The following MPP4 variants were observed in gnomAD, a reference collection of about 807,000 sequenced individuals.
The protein encoded by MPP4 is MAGUK p55 scaffold protein 4, also known as MAGUK p55 subfamily member 4.
In MPP4, 91 loss-of-function variants were observed where a neutral mutation model predicts 98.3. That is an observed-to-expected ratio of 0.93 (90% CI 0.78 to 1.10). MPP4 has a LOEUF of 1.10. MPP4 is among the 50% of genes least tolerant of loss of function. The pLI is 0.00. For missense variants in MPP4, 744 were observed against 792.9 expected, an observed-to-expected ratio of 0.94 and a Z score of 0.74; for synonymous variants, 261 against 271.8, an observed-to-expected ratio of 0.96 and a Z score of 0.39.
chr2:201,687,441 G>C (rs780854164), intron 4 of MPP4, 70 bp from the exon 5 acceptor site: 68 of 1,185,904 alleles, frequency 5.7e-5, no homozygotes, highest in Non-Finnish European at 7.9e-5. Context: ...CCTCACCCAG[G>C]CTGGATAACA....
chr2:201,690,581 G>A (rs1688984948), intron 3 of MPP4, among the ~76,000 whole-genome samples: 1 of 152,170 alleles, frequency 6.6e-6, no homozygotes. Flanking sequence ...TGAGGGTAGG[G>A]TGTCTGGGAC....
Position 201,645,059 on chromosome 2 carries a change from A to C in MPP4, c.*151T>G. 1.5e-6 allele frequency: 1 copy of C among 655,264 alleles called. No individual in the cohort carries two copies. Among genetic ancestry groups the C allele is most frequent in the Non-Finnish European group, 2.3e-6 (1 of 443,504 alleles). 40.6% of individuals were successfully genotyped at this position (655,264 alleles called of 1,614,324 possible). ...TAGGTAACCACATAACCATACAATAAAAATTTTTTTCAAATAAGATTAATT... is the reference window on the plus strand; with the variant it reads ...TAGGTAACCACATAACCATACAATACAAATTTTTTTCAAATAAGATTAATT... On this transcript the variant is annotated 3_prime_UTR_variant, in exon 22 of 22. Coordinates refer to ENST00000409474, the MANE Select transcript of MPP4 (RefSeq NM_033066.3).
At position 201,647,763 on chromosome 2, in the gene MPP4, A is replaced by G. The variant is rs368970179; in HGVS notation, c.1647T>C (p.Asn549=). ...KPYVIFIKPS[N]MRCMKQSRKN... ...TCCGAGATTGTTTCATACACCTCAT[A>G]TTCGATGGCTTTATAAATATGACAT... The change falls in exon 21 of 22, where the codon AAT becomes AAC. Residue 549 remains asparagine, a synonymous_variant. Coordinates refer to ENST00000409474, the MANE Select transcript of MPP4 (RefSeq NM_033066.3). The G allele has an allele frequency of 1.9e-6, 3 of 1,613,856 alleles. No homozygotes were observed. The highest frequency in any genetic ancestry group is 2.5e-6 in the Non-Finnish European group (3 of 1,179,852).
At chr2:201,695,982 T>C (rs1689168355) in intron 1 of MPP4, among the ~76,000 whole-genome samples, 1 of 152,164 alleles carries the variant, frequency 6.6e-6, no homozygotes, top group African/African-American at 2.4e-5. Context: ...TCTGATAGGG[T>C]TGAGAACCAC....
intron 11 of MPP4, among the ~76,000 whole-genome samples, chr2:201,670,059 TAC>T (rs1688298448): frequency 3.9e-5 from 6 of 152,156 alleles, no homozygotes; most frequent in African/African-American, 1.4e-4. Context: ...TTAACATGCT[TAC>T]TTCAGCATAT....
At chr2:201,658,631 A>C (rs1687925989) in intron 15 of MPP4, 113 bp from the exon 16 acceptor site, 3 of 843,072 alleles carry the variant, frequency 3.6e-6, no homozygotes, top group Non-Finnish European at 5.5e-6. Context: ...AGACGGCAGC[A>C]GAGTTGAATT....
At chr2:201,664,937 A>T (rs1688129169) in intron 13 of MPP4, 1 of 167,112 alleles carries the variant, frequency 6.0e-6, no homozygotes, top group Non-Finnish European at 1.5e-5. Context: ...CAAGATACAG[A>T]ATGTTAAGTT....
intron 10 of MPP4, among the ~76,000 whole-genome samples, chr2:201,676,735 A>C (rs547662505): frequency 6.6e-6 from 1 of 152,226 alleles, no homozygotes; most frequent in Non-Finnish European, 1.5e-5. Flanking sequence ...CCCCATCTCT[A>C]CTAAAAATAC....
intron 11 of MPP4, among the ~76,000 whole-genome samples, chr2:201,670,943 GGAAGT>G (rs1688325076): frequency 6.6e-6 from 1 of 152,186 alleles, no homozygotes; most frequent in East Asian, 1.9e-4. Context: ...GCCTCACCTG[GGAAGT>G]GAAAGGGGTC....
intron 4 of MPP4, among the ~76,000 whole-genome samples, chr2:201,688,615 G>A (rs759692367): frequency 1.2e-4 from 18 of 151,956 alleles, no homozygotes; most frequent in Non-Finnish European, 2.2e-4. Flanking sequence ...TGTTTTTTGG[G>A]TTTGTTTGTT....
At chr2:201,672,574 C>T (rs534415868) in intron 11 of MPP4, among the ~76,000 whole-genome samples, 1 of 152,256 alleles carries the variant, frequency 6.6e-6, no homozygotes, top group East Asian at 1.9e-4. Flanking sequence ...GACAACATCA[C>T]CACTGATCCC....
intron 18 of MPP4, among the ~76,000 whole-genome samples, chr2:201,653,349 T>G (rs574428844): frequency 2.0e-5 from 3 of 152,284 alleles, no homozygotes; most frequent in African/African-American, 7.2e-5. Context: ...TAGGTTCCTC[T>G]GTCTTGCCTT....
At chr2:201,692,235 T>C (rs1258206572) in intron 3 of MPP4, among the ~76,000 whole-genome samples, 1 of 152,156 alleles carries the variant, frequency 6.6e-6, no homozygotes, top group Non-Finnish European at 1.5e-5. Flanking sequence ...CCAAAATGCA[T>C]ATGTGATGAT....
At chr2:201,679,641 C>A (rs1316045536) in intron 10 of MPP4, among the ~76,000 whole-genome samples, 2 of 152,182 alleles carry the variant, frequency 1.3e-5, no homozygotes, top group Non-Finnish European at 2.9e-5. Context: ...CTCCTACCGC[C>A]TGCTCAAAGA....
At position 201,645,208 on chromosome 2, in the gene MPP4, T is replaced by G. The variant is rs1687527768; in HGVS notation, c.*2A>C. The G allele has an allele frequency of 6.2e-7, 1 of 1,607,430 alleles. No individual in the cohort carries two copies. Among genetic ancestry groups the G allele is most frequent in the Non-Finnish European group, 8.5e-7 (1 of 1,177,180 alleles). On this transcript the variant is annotated 3_prime_UTR_variant, in exon 22 of 22. Transcript: ENST00000409474. ...TAAAACTCCAGCATTAAACAAGAAG[T>G]CTCATTGAGACTCAGTATCTGAGGA...
Position 201,686,033 on chromosome 2 carries a change from A to G in MPP4, c.378T>C (p.His126=), listed in dbSNP as rs376175310. ...CAAAATCTTTCTGAGCTATCGTGTC[A>G]TGGGCACTGAGCAAGGCCTGGGCAC... The part of the protein sequence containing the change: ...APHFKALLSA[H]DTIAQKDFEP... The change falls in exon 6 of 22, where the codon CAT becomes CAC. Residue 126 remains histidine (H), a synonymous_variant. Coordinates refer to ENST00000409474, the MANE Select transcript of MPP4 (RefSeq NM_033066.3). The G allele has an allele frequency of 5.0e-6, 8 of 1,611,868 alleles. No individual in the cohort carries two copies. The African/African-American group carries it at 5.3e-5, about 11-fold the overall frequency.
At chr2:201,664,263 C>T (rs1688103746) in intron 13 of MPP4, 162 bp from the exon 14 acceptor site, 1 of 1,482,380 alleles carries the variant, frequency 6.7e-7, no homozygotes, top group East Asian at 2.7e-5. Context: ...GTCTCTATGG[C>T]ATATATCAGC....
Position 201,676,222 on chromosome 2 carries a change from A to G in MPP4, c.930-951T>C, listed in dbSNP as rs557686717. Among the ~76,000 whole-genome samples, 3 of 152,348 alleles carry G rather than the reference A, an allele frequency of 2.0e-5. No homozygotes were observed. The East Asian group carries it at 5.8e-4, about 29-fold the overall frequency. On this transcript the variant is annotated intron_variant, in intron 10 of 21. Coordinates refer to ENST00000409474, the MANE Select transcript of MPP4 (RefSeq NM_033066.3). ...CAAACTCTCCATGTGATTCTAATTCACAAGAGAGTTGAAGAAGGGCCAATT... is the reference window on the plus strand; with the variant it reads ...CAAACTCTCCATGTGATTCTAATTCGCAAGAGAGTTGAAGAAGGGCCAATT...
intron 6 of MPP4, among the ~76,000 whole-genome samples, chr2:201,685,568 T>A (rs1306248547): frequency 6.6e-6 from 1 of 152,226 alleles, no homozygotes; most frequent in Non-Finnish European, 1.5e-5. Flanking sequence ...TAGCTTCTCA[T>A]TAATATAAGG....
Sources: gnomAD v4.1 joint callset for allele counts (sites outside exome capture counted in the v4.1 genomes callset) on GRCh38, gnomAD v4.1.1 for gene constraint, MANE v1.5 for transcripts, NCBI Gene and HGNC (gene_info 2026-07-23, HGNC 2026-07-21) for gene names.